Variants in ABCB11 observed in about 807,000 individuals in gnomAD.
The protein encoded by ABCB11 is bile salt export pump.
ABCB11 carries 95 observed loss-of-function variants against 148.0 expected under a neutral mutation model. The ratio of observed to expected loss-of-function variants is 0.64; its 90% confidence interval spans 0.54 to 0.76. The LOEUF (loss-of-function observed/expected upper bound fraction) is 0.76, where lower values mean the gene tolerates loss of function less well. Ranked by LOEUF, ABCB11 falls within the 30% of genes least tolerant of loss-of-function variation. ABCB11 has a pLI of 0.00. For missense variants in ABCB11, 1,523 were observed against 1,617.8 expected (o/e 0.94, Z 1.01); for synonymous variants, 591 against 555.4 (o/e 1.06, Z -0.90).
In ABCB11 at chr2:168,923,122, C is replaced by A; in HGVS notation, c.*500G>T. On this transcript the variant is annotated 3_prime_UTR_variant, in exon 28 of 28. Coordinates refer to ENST00000650372, the MANE Select transcript of ABCB11 (RefSeq NM_003742.4). ...TTGAAAGACAAATTTAGTTAAGAAA[C>A]ACAGCTGGTCTTCAGTCCTTCTGTT... 6.4e-6 allele frequency: 1 copy of A among 156,126 alleles called. No individual in the cohort carries two copies. Among genetic ancestry groups the A allele is most frequent in the Non-Finnish European group, 1.4e-5 (1 of 70,418 alleles). The allele number at this position is 156,126 out of a possible 1,614,324, so 9.7% of individuals were successfully genotyped here.
rs72886781 is a variant in ABCB11, at chr2:168,961,003, G to A, written c.2179-2875C>T. Among the ~76,000 whole-genome samples the A allele has an allele frequency of 8.0e-4, 121 of 151,796 alleles. 1 individual carries two copies. The highest frequency in any genetic ancestry group is 1.4e-3 in the Non-Finnish European group (94 of 67,756). ...ATCATATGTAAAGAAATGCCTGTCA[G>A]CAGCTCCATAGTAGGGAGAGTAACA... On this transcript the variant is annotated intron_variant, in intron 18 of 27. Transcript: ENST00000650372.
chr2:169,027,720 C>A (rs1035883061), intron 1 of ABCB11, among the ~76,000 whole-genome samples: 1 of 152,064 alleles, frequency 6.6e-6, no homozygotes. Flanking sequence ...TTCTACAAGC[C>A]ATGCCAGAAA....
chr2:168,925,800 C>CG (rs753864802), intron 26 of ABCB11, among the ~76,000 whole-genome samples: 163 of 152,300 alleles, frequency 1.1e-3, no homozygotes, highest in Admixed American at 2.4e-3. Flanking sequence ...AAGGGTGCCA[C>CG]GGGCAAGTCT....
intron 5 of ABCB11, among the ~76,000 whole-genome samples, chr2:169,010,933 G>T (rs956440377): frequency 6.6e-6 from 1 of 152,108 alleles, no homozygotes; most frequent in African/African-American, 2.4e-5. Flanking sequence ...ATTCACATTT[G>T]GTATTACGTG....
intron 11 of ABCB11, among the ~76,000 whole-genome samples, chr2:168,977,803 CA>C (rs1363422027): frequency 6.6e-6 from 1 of 152,110 alleles, no homozygotes; most frequent in Non-Finnish European, 1.5e-5. Context: ...TTAAAACCGT[CA>C]GATCTCATGA....
chr2:168,947,548 A>G (rs1319122438), intron 19 of ABCB11, among the ~76,000 whole-genome samples: 1 of 151,726 alleles, frequency 6.6e-6, no homozygotes, highest in Non-Finnish European at 1.5e-5. Flanking sequence ...TGGTCTCAAT[A>G]CAACAAATGT....
At chr2:168,983,828 GC>G (rs1275401668) in intron 10 of ABCB11, among the ~76,000 whole-genome samples, 1 of 151,998 alleles carries the variant, frequency 6.6e-6, no homozygotes, top group Non-Finnish European at 1.5e-5. Context: ...GGAATCTGGA[GC>G]TAAAAAATTT....
chr2:168,917,201 A>AC (rs1466073779), downstream of ABCB11, among the ~76,000 whole-genome samples: 1 of 85,414 alleles, frequency 1.2e-5, no homozygotes, highest in Non-Finnish European at 2.2e-5. Context: ...GAGTTTTTGG[A>AC]CAAAAAAACT....
Position 168,990,813 on chromosome 2 carries a change from C to A in ABCB11, c.896G>T (p.Arg299Ile), listed in dbSNP as rs2287617. 58 of 1,613,044 alleles carry A rather than the reference C, an allele frequency of 3.6e-5. No individual in the cohort carries two copies. In the African/African-American group the frequency reaches 6.7e-4, roughly 19 times the overall value. ...CCAATTAACCAACCTTTCAACCTCTCTTTTCTCACCACCAAAAGCAGCCAC... is the reference window on the plus strand; with the variant it reads ...CCAATTAACCAACCTTTCAACCTCTATTTTCTCACCACCAAAAGCAGCCAC... ...RTVAAFGGEK[R>I]EVERYEKNLV... is the part of the protein sequence containing the mutation. The change falls in exon 9 of 28, where the codon AGA (arginine) becomes ATA (isoleucine). Residue 299 changes from arginine (R) to isoleucine (I), a missense_variant. Transcript: ENST00000650372.
intron 19 of ABCB11, among the ~76,000 whole-genome samples, chr2:168,955,512 C>G (rs1033837687): frequency 1.3e-5 from 2 of 151,604 alleles, no homozygotes; most frequent in African/African-American, 2.4e-5. Flanking sequence ...ATTATGAGAA[C>G]AGCAAGGGGG....
intron 5 of ABCB11, among the ~76,000 whole-genome samples, chr2:168,998,600 TA>T (rs1694786658): frequency 1.7e-5 from 2 of 117,364 alleles, no homozygotes; most frequent in African/African-American, 5.8e-5. Context: ...ATGATAACAA[TA>T]AATAACTTAA....
Position 168,990,827 on chromosome 2 carries a change from A to T in ABCB11, c.882T>A (p.Phe294Leu), listed in dbSNP as rs1470965152. ...VISSMRTVAA[F>L]GGEKREVERY... ...TTTCAACCTCTCTTTTCTCACCACC[A>T]AAAGCAGCCACTGTTCTCATTGATG... The change falls in exon 9 of 28, where the codon TTT becomes TTA. Residue 294 changes from phenylalanine to leucine, a missense_variant. By Grantham distance (22) the Phe-to-Leu change is conservative. Coordinates refer to ENST00000650372, the MANE Select transcript of ABCB11 (RefSeq NM_003742.4). 1 of 1,613,000 alleles carries T rather than the reference A, an allele frequency of 6.2e-7. No homozygotes were observed.
chr2:168,967,668 C>T (rs1444353195), intron 17 of ABCB11, among the ~76,000 whole-genome samples: 2 of 151,650 alleles, frequency 1.3e-5, no homozygotes, highest in South Asian at 2.1e-4. Flanking sequence ...CATCTCATTG[C>T]CTTTTAAAAA....
chr2:169,013,373 C>G lies in ABCB11; in HGVS notation c.288G>C (p.Glu96Asp). 1 of 1,613,810 alleles carries G rather than the reference C, an allele frequency of 6.2e-7. No individual in the cohort carries two copies. Among genetic ancestry groups the G allele is most frequent in the Non-Finnish European group, 8.5e-7 (1 of 1,179,794 alleles). Residue 96 changes from glutamate (E) to aspartate (D), a missense_variant, in exon 5 of 28, where the codon GAG becomes GAC. Physicochemically the swap from Glu to Asp is conservative, Grantham distance 45 (BLOSUM62 2). Coordinates refer to ENST00000650372, the MANE Select transcript of ABCB11 (RefSeq NM_003742.4). ...TTCCTGGAATCTGGAGTTCTTGTAA[C>G]TCAACGTCGTAGTCAATAAAAACAT... Reference protein sequence around the residue: ...MTDVFIDYDVELQELQIPGKA... With the variant: ...MTDVFIDYDVDLQELQIPGKA...
At chr2:168,920,744 T>A (rs749948327), downstream of ABCB11, among the ~76,000 whole-genome samples, 11 of 152,204 alleles carry the variant, frequency 7.2e-5, no homozygotes, top group Non-Finnish European at 1.2e-4. Flanking sequence ...CGATAAAGGA[T>A]ACAGAATAAA....
At position 168,944,920 on chromosome 2, in the gene ABCB11, G is replaced by A. The variant is rs1239693151; in HGVS notation, c.2385C>T (p.Ile795=). Residue 795 remains isoleucine, a synonymous_variant, in exon 20 of 28, where the codon ATC becomes ATT. Transcript: ENST00000650372. ...IPDKEEQRSQ[I]NGVCLLFVAM... is the part of the protein sequence containing the mutation. ...CTACAAAAAGTAGGCACACACCATTGATCTGTGACCTTTGTTCCTCTTTAT... is the reference window on the plus strand; with the variant it reads ...CTACAAAAAGTAGGCACACACCATTAATCTGTGACCTTTGTTCCTCTTTAT... The A allele has an allele frequency of 1.9e-6, 3 of 1,571,758 alleles. No individual in the cohort carries two copies. The highest frequency in any genetic ancestry group is 1.4e-5 in the African/African-American group (1 of 73,852).
downstream of ABCB11, among the ~76,000 whole-genome samples, chr2:168,916,076 A>G (rs1271948072): frequency 2.0e-5 from 3 of 152,198 alleles, no homozygotes; most frequent in Non-Finnish European, 4.4e-5. Context: ...CAATGATTAA[A>G]TTTTCACCTT....
chr2:168,943,388 C>A lies in ABCB11; in HGVS notation c.2610+1217G>T, dbSNP rs146159319. On this transcript the variant is annotated intron_variant, in intron 21 of 27. Transcript: ENST00000650372. ...AAAATAATCAAGGATGTGGCAAGCT[C>A]GATATAAAATGATATAAATTGCTTA... is the stretch of plus-strand genomic sequence containing the variant. 3.6e-3 allele frequency among the ~76,000 whole-genome samples: 544 copies of A among 151,678 alleles called. 5 individuals are homozygous for A. Among genetic ancestry groups the A allele is most frequent in the Non-Finnish European group, 6.2e-3 (420 of 67,850 alleles).
intron 11 of ABCB11, among the ~76,000 whole-genome samples, chr2:168,977,220 T>C (rs1382326801): frequency 6.6e-6 from 1 of 151,516 alleles, no homozygotes; most frequent in Non-Finnish European, 1.5e-5. Flanking sequence ...GGTGTTTTTA[T>C]ACTTTTATTT....
Sources: allele counts gnomAD v4.1 joint callset (sites outside exome capture counted in the v4.1 genomes callset), GRCh38; gene constraint gnomAD v4.1.1; transcripts MANE v1.5; gene names NCBI Gene and HGNC (gene_info 2026-07-23, HGNC 2026-07-21).